FRK: variants seen among roughly 807,000 people sequenced by gnomAD.
The protein encoded by FRK is fyn related Src family tyrosine kinase, also known as tyrosine-protein kinase FRK.
In FRK, 51 loss-of-function variants were observed where a neutral mutation model predicts 56.4. The observed-to-expected ratio is 0.90, with a 90% confidence interval of 0.72 to 1.14. FRK has a LOEUF of 1.14. Among genes scored for constraint, FRK ranks in the 50% most tolerant of loss-of-function variants. The probability of loss-of-function intolerance (pLI) is 0.00; values close to 1 mark genes in which losing one functional copy is unlikely to be tolerated. For missense variants in FRK, 570 were observed against 601.4 expected, an observed-to-expected ratio of 0.95 and a Z score of 0.55; for synonymous variants, 245 against 217.9, an observed-to-expected ratio of 1.12 and a Z score of -1.10.
At chr6:115,991,974 GAATTTTATTTCCCAAA>G (rs1774628009) in intron 2 of FRK, among the ~76,000 whole-genome samples, 2 of 151,210 alleles carry the variant, frequency 1.3e-5, no homozygotes, top group East Asian at 1.9e-4. Flanking sequence ...TCTATTTTGG[GAATTTTATTTCCCAAA>G]AATTTTATTT....
intron 1 of FRK, among the ~76,000 whole-genome samples, chr6:116,016,885 A>G (rs1249624192): frequency 6.6e-6 from 1 of 152,222 alleles, no homozygotes; most frequent in Non-Finnish European, 1.5e-5. Context: ...ACTTTGAAAT[A>G]GTAGAAACTG....
At chr6:115,978,895 T>C (rs895202623) in intron 2 of FRK, among the ~76,000 whole-genome samples, 1 of 151,930 alleles carries the variant, frequency 6.6e-6, no homozygotes, top group Admixed American at 6.6e-5. Flanking sequence ...TTACAAAAAA[T>C]GAACAAAATT....
At chr6:116,065,595 T>C (rs1476089739), upstream of FRK, among the ~76,000 whole-genome samples, 1 of 152,216 alleles carries the variant, frequency 6.6e-6, no homozygotes, top group Non-Finnish European at 1.5e-5. Context: ...TTGTCTATCT[T>C]TTAAGAATCG....
upstream of FRK, among the ~76,000 whole-genome samples, chr6:116,064,512 G>C (rs1562313639): frequency 6.6e-6 from 1 of 152,170 alleles, no homozygotes; most frequent in Non-Finnish European, 1.5e-5. Context: ...ATTGGGGAGA[G>C]ATAAACATTT....
At chr6:116,068,451 T>TA in the FRK span, among the ~76,000 whole-genome samples, 1 of 152,036 alleles carries the variant, frequency 6.6e-6, no homozygotes, top group Non-Finnish European at 1.5e-5. Context: ...CTATTGTAAA[T>TA]AAAAAATTGT....
Position 116,038,932 on chromosome 6 carries a change from C to A in FRK, c.344+21036G>T, listed in dbSNP as rs1012328422. The A allele has an allele frequency of 7.8e-6, 5 of 644,432 alleles. No homozygotes were observed. The African/African-American group carries it at 9.0e-5, about 12-fold the overall frequency. 39.9% of individuals were successfully genotyped at this position (644,432 alleles called of 1,614,324 possible). A position where few individuals can be genotyped will look rare whatever the true frequency, so the allele number is the denominator to read the frequency against. On this transcript the variant is annotated intron_variant, in intron 1 of 7. Coordinates refer to ENST00000606080, the MANE Select transcript of FRK (RefSeq NM_002031.3). The stretch of plus-strand genomic sequence containing the variant: ...CCCCAGAAGCTAGAGCCCAAGATTG[C>A]TGTGGCTGCGCAGAACTGCTACAAA...
chr6:115,946,545 A>G (rs1357867486), intron 5 of FRK, among the ~76,000 whole-genome samples: 1 of 152,216 alleles, frequency 6.6e-6, no homozygotes, highest in African/African-American at 2.4e-5. Context: ...TGAATTACCT[A>G]TGTGGAAATG....
chr6:116,032,332 T>C (rs973292969), intron 1 of FRK, among the ~76,000 whole-genome samples: 10 of 152,224 alleles, frequency 6.6e-5, no homozygotes, highest in African/African-American at 2.4e-4. Context: ...GAGATGCTTT[T>C]CTTACAATGT....
At chr6:116,092,312 GT>G in the FRK span, among the ~76,000 whole-genome samples, 2 of 152,074 alleles carry the variant, frequency 1.3e-5, no homozygotes, top group African/African-American at 2.4e-5. Context: ...ATGATGAGAA[GT>G]AGGACAAAAG....
chr6:116,095,708 G>T, the FRK span, among the ~76,000 whole-genome samples: 29 of 152,118 alleles, frequency 1.9e-4, no homozygotes, highest in African/African-American at 3.6e-4. Flanking sequence ...CAAACAATTT[G>T]CAAGAAATAA....
At chr6:116,047,889 C>A (rs10872142) in intron 1 of FRK, among the ~76,000 whole-genome samples, 56,958 of 152,174 alleles carry the variant, frequency 0.37, 11,080 homozygotes, top group Middle Eastern at 0.49. Flanking sequence ...TGGCCAAAGC[C>A]CGTGATTTGG....
intron 1 of FRK, among the ~76,000 whole-genome samples, chr6:116,006,133 G>C (rs1407823554): frequency 3.3e-5 from 5 of 152,028 alleles, no homozygotes; most frequent in African/African-American, 1.2e-4. Flanking sequence ...CCCAAAATAG[G>C]ATTAGTATTC....
At chr6:115,974,229 T>C (rs1446762731) in intron 2 of FRK, among the ~76,000 whole-genome samples, 1 of 152,198 alleles carries the variant, frequency 6.6e-6, no homozygotes, top group Non-Finnish European at 1.5e-5. Flanking sequence ...TCCTTCATAG[T>C]GCACCACAAA....
intron 2 of FRK, among the ~76,000 whole-genome samples, chr6:115,994,324 T>TCC (rs769721283): frequency 2.7e-4 from 9 of 33,882 alleles, no homozygotes; most frequent in East Asian, 2.0e-3. Context: ...TCTCACAACC[T>TCC]CCCCCCCCCC....
At chr6:116,064,860 A>T (rs1197294054), upstream of FRK, among the ~76,000 whole-genome samples, 1 of 151,746 alleles carries the variant, frequency 6.6e-6, no homozygotes, top group Non-Finnish European at 1.5e-5. Flanking sequence ...CCCTTTCAAC[A>T]CCCCCTCCAT....
intron 1 of FRK, among the ~76,000 whole-genome samples, chr6:116,030,417 A>T (rs1462499085): frequency 1.3e-5 from 2 of 152,144 alleles, no homozygotes; most frequent in Non-Finnish European, 2.9e-5. Context: ...AAATGATAAG[A>T]GTTTTAGGAG....
the FRK span, among the ~76,000 whole-genome samples, chr6:116,071,325 G>T: frequency 2.2e-4 from 33 of 152,228 alleles, no homozygotes; most frequent in Non-Finnish European, 4.0e-4. Context: ...TTCGCTACTG[G>T]TTGACTGTAC....
rs1772132242 is a variant in FRK, at chr6:115,940,268, G to T, written c.*2146C>A. The T allele has an allele frequency of 6.6e-6, 1 of 152,182 alleles. No homozygotes were observed. Among genetic ancestry groups the T allele is most frequent in the Non-Finnish European group, 1.5e-5 (1 of 68,044 alleles). 9.4% of individuals were successfully genotyped at this position (152,182 alleles called of 1,614,324 possible). A position where few individuals can be genotyped will look rare whatever the true frequency, so the allele number is the denominator to read the frequency against. ...TTAATAAATGGTGTTGGGAAAACTA[G>T]CTAGCCATATGCAGAAAACTGAAAC... On this transcript the variant is annotated 3_prime_UTR_variant, in exon 8 of 8. Coordinates refer to ENST00000606080, the MANE Select transcript of FRK (RefSeq NM_002031.3).
chr6:116,006,078 GA>G (rs1212249074), intron 1 of FRK, among the ~76,000 whole-genome samples: 3 of 152,038 alleles, frequency 2.0e-5, no homozygotes, highest in African/African-American at 7.2e-5. Flanking sequence ...AATAAAATTT[GA>G]ATATAAGCCA....
Sources: gnomAD v4.1 joint callset for allele counts (sites outside exome capture counted in the v4.1 genomes callset) on GRCh38, gnomAD v4.1.1 for gene constraint, MANE v1.5 for transcripts, NCBI Gene and HGNC (gene_info 2026-07-23, HGNC 2026-07-21) for gene names.